Variants in TXNDC15 observed in about 807,000 individuals in gnomAD.
TXNDC15 encodes thioredoxin domain-containing protein 15.
A neutral mutation model predicts 35.0 loss-of-function variants in TXNDC15; 24 were observed. That is an observed-to-expected ratio of 0.68 (90% CI 0.50 to 0.96). TXNDC15 has a LOEUF of 0.96. TXNDC15 is among the 40% of genes least tolerant of loss of function. TXNDC15 has a pLI of 0.00. For missense variants in TXNDC15, 385 were observed against 453.3 expected, an observed-to-expected ratio of 0.85 and a Z score of 1.37; for synonymous variants, 169 against 174.0, an observed-to-expected ratio of 0.97 and a Z score of 0.23.
chr5:134,874,269 C>T (rs1164327253), upstream of TXNDC15: 2 of 592,690 alleles, frequency 3.4e-6, no homozygotes, highest in African/African-American at 2.0e-5. Context: ...CGGCTAGAGG[C>T]CGTCCGCCCG....
rs182436847 is a variant in TXNDC15, at chr5:134,890,879, C to T, written c.592-2613C>T. On this transcript the variant is annotated intron_variant, in intron 2 of 4. Coordinates refer to ENST00000358387, the MANE Select transcript of TXNDC15 (RefSeq NM_024715.4). ...TTATGGAATATTCTAAATCCTTTGT[C>T]GTCATTTCAACAGTGTTCACAGCAT... Among the ~76,000 whole-genome samples, 311 of 152,316 alleles carry T rather than the reference C, an allele frequency of 2.0e-3. 2 individuals are homozygous for T. Among genetic ancestry groups the T allele is most frequent in the Middle Eastern group, 3.4e-3 (1 of 294 alleles).
chr5:134,874,281 C>A, upstream of TXNDC15: 1 of 637,682 alleles, frequency 1.6e-6, no homozygotes, highest in Non-Finnish European at 2.6e-6. Context: ...GTCCGCCCGA[C>A]TCCAAGATGG....
chr5:134,893,374 C>A, intron 2 of TXNDC15, 118 bp from the exon 3 acceptor site: 1 of 1,240,862 alleles, frequency 8.1e-7, no homozygotes. Context: ...TTCCTTCTCT[C>A]GCTGCTCCTA....
intron 1 of TXNDC15, among the ~76,000 whole-genome samples, chr5:134,876,736 T>C (rs1357806644): frequency 6.6e-6 from 1 of 151,188 alleles, no homozygotes; most frequent in Admixed American, 6.6e-5. Flanking sequence ...TGAGGTGTTT[T>C]TTTTTTTTTT....
At chr5:134,893,743 AAG>A in intron 3 of TXNDC15, 88 bp downstream of exon 3, 1 of 1,536,186 alleles carries the variant, frequency 6.5e-7, no homozygotes, top group Non-Finnish European at 8.9e-7. Context: ...TTAGAAGCAG[AAG>A]AGGGGGGGCA....
chr5:134,886,618 G>A (rs754489940), intron 1 of TXNDC15, among the ~76,000 whole-genome samples: 1 of 152,182 alleles, frequency 6.6e-6, no homozygotes, highest in East Asian at 1.9e-4. Flanking sequence ...CTGCACTGCC[G>A]AGCCCATCTC....
chr5:134,884,317 C>A (rs1374362298), intron 1 of TXNDC15, among the ~76,000 whole-genome samples: 1 of 136,688 alleles, frequency 7.3e-6, no homozygotes, highest in African/African-American at 2.7e-5. Flanking sequence ...GGCACTATCT[C>A]GGCTCACCAC....
rs112184213 is a variant in TXNDC15 at position 134,884,977 on chromosome 5, C to T, written c.104-2718C>T. Among the ~76,000 whole-genome samples, 709 of 150,256 alleles carry T rather than the reference C, an allele frequency of 4.7e-3. 5 individuals are homozygous for T. Among genetic ancestry groups the T allele is most frequent in the African/African-American group, 0.016 (671 of 40,776 alleles). ...CTCTCTTGTTGCCCAGGCTGGAGTG[C>T]AGTGGCATGATCTCGGCTCATTGCA... On this transcript the variant is annotated intron_variant, in intron 1 of 4. Coordinates refer to ENST00000358387, the MANE Select transcript of TXNDC15 (RefSeq NM_024715.4).
chr5:134,885,343 C>T (rs2150186581), intron 1 of TXNDC15, among the ~76,000 whole-genome samples: 1 of 152,276 alleles, frequency 6.6e-6, no homozygotes, highest in South Asian at 2.1e-4. Context: ...TAATAGTGTC[C>T]CACTACTGAC....
chr5:134,875,700 C>T (rs953830631), intron 1 of TXNDC15, among the ~76,000 whole-genome samples: 3 of 149,626 alleles, frequency 2.0e-5, no homozygotes, highest in Non-Finnish European at 3.0e-5. Flanking sequence ...GATGGAGTCT[C>T]GCTCTGTTGC....
rs750441879 is a variant in TXNDC15, at chr5:134,899,583, A to T, written c.981A>T (p.Val327=). 1.5e-5 allele frequency: 25 copies of T among 1,613,914 alleles called. No individual in the cohort carries two copies. The highest frequency in any genetic ancestry group is 2.1e-5 in the Non-Finnish European group (25 of 1,179,980). Residue 327 remains valine, a synonymous_variant, in exon 5 of 5, where the codon GTA becomes GTT. Coordinates refer to ENST00000358387, the MANE Select transcript of TXNDC15 (RefSeq NM_024715.4). Reference sequence around the variant, plus strand: ...TAAAAAGTGTGGACTGGTTGCTTGTATTTTCCTTATTCTTTTTAATTAGTT... The same window carrying T: ...TAAAAAGTGTGGACTGGTTGCTTGTTTTTTCCTTATTCTTTTTAATTAGTT... ...TLIKSVDWLL[V]FSLFFLISFI...
At chr5:134,887,024 A>G (rs915810694) in intron 1 of TXNDC15, among the ~76,000 whole-genome samples, 2 of 152,242 alleles carry the variant, frequency 1.3e-5, no homozygotes, top group Admixed American at 6.5e-5. Flanking sequence ...ATTATCAAAC[A>G]AATGAAACTC....
At chr5:134,890,149 G>T (rs1750358835) in intron 2 of TXNDC15, among the ~76,000 whole-genome samples, 1 of 152,000 alleles carries the variant, frequency 6.6e-6, no homozygotes, top group South Asian at 2.1e-4. Context: ...TCCCAGCTCA[G>T]CCTCCCAAGT....
At position 134,887,946 on chromosome 5, in the gene TXNDC15, G is replaced by A. The variant is rs1445973018; in HGVS notation, c.355G>A (p.Ala119Thr). ...CGGCGTCACCTGTGGTGCTGGAGGA[G>A]CGGAGGACTCAAGGTGCAACGTCCG... ...PSGVTCGAGG[A>T]EDSRCNVRES... is the part of the protein sequence containing the mutation. Residue 119 changes from alanine (A) to threonine (T), a missense_variant, in exon 2 of 5, where the codon GCG becomes ACG. Coordinates refer to ENST00000358387, the MANE Select transcript of TXNDC15 (RefSeq NM_024715.4). The A allele has an allele frequency of 6.2e-7, 1 of 1,614,224 alleles. No individual in the cohort carries two copies. The highest frequency in any genetic ancestry group is 8.5e-7 in the Non-Finnish European group (1 of 1,180,034).
intron 1 of TXNDC15, among the ~76,000 whole-genome samples, chr5:134,881,806 C>T (rs1307410797): frequency 6.7e-6 from 1 of 148,232 alleles, no homozygotes; most frequent in Non-Finnish European, 1.5e-5. Context: ...GGCGGCTGGC[C>T]GGGCGGGGGG....
chr5:134,888,924 C>A (rs192312130), intron 2 of TXNDC15, among the ~76,000 whole-genome samples: 29 of 152,114 alleles, frequency 1.9e-4, no homozygotes, highest in Non-Finnish European at 2.6e-4. Context: ...TCTCTTTCAT[C>A]AATGACTGAC....
intron 4 of TXNDC15, among the ~76,000 whole-genome samples, chr5:134,897,158 T>C (rs1750506391): frequency 6.6e-6 from 1 of 152,014 alleles, no homozygotes; most frequent in Admixed American, 6.6e-5. Context: ...GGTCTCGATC[T>C]CCTGGCCTCA....
At chr5:134,882,570 G>C (rs534598756) in intron 1 of TXNDC15, among the ~76,000 whole-genome samples, 79 of 152,376 alleles carry the variant, frequency 5.2e-4, no homozygotes, top group Non-Finnish European at 1.0e-3. Context: ...ACTGAGTGAA[G>C]GAGACTCCTG....
chr5:134,875,156 C>T (rs1270761647), intron 1 of TXNDC15: 2 of 456,254 alleles, frequency 4.4e-6, no homozygotes, highest in South Asian at 1.5e-5. Flanking sequence ...AGACGAGAAA[C>T]ACGGGAGACT....
Sources: gnomAD v4.1 joint callset for allele counts (sites outside exome capture counted in the v4.1 genomes callset) on GRCh38, gnomAD v4.1.1 for gene constraint, MANE v1.5 for transcripts, NCBI Gene and HGNC (gene_info 2026-07-23, HGNC 2026-07-21) for gene names.